The following TNS1 variants were observed in gnomAD, a reference collection of about 807,000 sequenced individuals.
TNS1 encodes tensin-1.
TNS1 carries 62 observed loss-of-function variants against 168.6 expected under a neutral mutation model. That is an observed-to-expected ratio of 0.37 (90% confidence interval 0.30 to 0.45). The LOEUF (loss-of-function observed/expected upper bound fraction) is 0.45. TNS1 is among the 20% of genes least tolerant of loss of function. TNS1 has a pLI of 1.00. For missense variants in TNS1, 2,240 were observed against 2,339.4 expected (o/e 0.96, Z 0.88); for synonymous variants, 934 against 933.2 (o/e 1.00, Z -0.02).
At position 217,903,498 on chromosome 2, in the gene TNS1, C is replaced by T. The variant is rs1953268253; in HGVS notation, c.321+2837G>A. ...CTCCGGGGATCACAAATCACCTTAC[C>T]CAAATGGCTTTGAACTTCTTCCTGG... On this transcript the variant is annotated intron_variant, in intron 6 of 32. Transcript: ENST00000682258. 4 of 1,421,210 alleles carry T rather than the reference C, an allele frequency of 2.8e-6. No homozygotes were observed. The South Asian group carries it at 5.8e-5, about 21-fold the overall frequency. 88.0% of individuals were successfully genotyped at this position (1,421,210 alleles called of 1,614,324 possible).
intron 1 of TNS1, among the ~76,000 whole-genome samples, chr2:218,020,831 C>T (rs1277066987): frequency 1.3e-5 from 2 of 152,258 alleles, no homozygotes; most frequent in South Asian, 4.1e-4. Flanking sequence ...CCAGAGCAAC[C>T]AATCCCCCCT....
intron 11 of TNS1, among the ~76,000 whole-genome samples, chr2:217,891,906 G>A (rs1205955504): frequency 6.6e-6 from 1 of 152,156 alleles, no homozygotes; most frequent in African/African-American, 2.4e-5. Flanking sequence ...CTCATCAAGA[G>A]GCCTTCTCCA....
intron 19 of TNS1, among the ~76,000 whole-genome samples, chr2:217,845,484 A>C (rs1006529195): frequency 6.6e-6 from 1 of 152,254 alleles, no homozygotes; most frequent in Non-Finnish European, 1.5e-5. Context: ...AAATTCTGTC[A>C]TAATGACAGG....
intron 17 of TNS1, 36 bp from the exon 18 acceptor site, chr2:217,881,050 G>A: frequency 6.9e-7 from 1 of 1,444,656 alleles, no homozygotes. Context: ...CAGTCGGGGA[G>A]ACAGTGCAGA....
rs368410102 is a variant in TNS1, at chr2:217,869,187, A to T, written c.1429+11711T>A. The stretch of plus-strand genomic sequence containing the variant: ...GAGGGAGGGCCTCTGCTGCAGGAAG[A>T]CAGGGTGCCAGGTAGCAGGCAGGGG... On this transcript the variant is annotated intron_variant, in intron 18 of 32. Coordinates refer to ENST00000682258, the MANE Select transcript of TNS1 (RefSeq NM_001387777.1). Among the ~76,000 whole-genome samples the T allele has an allele frequency of 8.5e-5, 13 of 152,198 alleles. No homozygotes were observed. In the East Asian group the frequency reaches 1.5e-3, roughly 18 times the overall value.
intron 2 of TNS1, 133 bp downstream of exon 2, chr2:217,990,809 A>C: frequency 3.6e-6 from 1 of 277,210 alleles, no homozygotes; most frequent in South Asian, 8.3e-5. Context: ...AGCATCCTCC[A>C]CCAGATGAGA....
chr2:217,817,889 G>A lies in TNS1; in HGVS notation c.4443C>T (p.Phe1481=), dbSNP rs1347870841. ...ATSPSPDSAA[F]RQGSPTPALP... is the part of the protein sequence containing the mutation. ...AGGCTGGTGTTGGGCTCCCTTGCCG[G>A]AAGGCTGCGGAGTCTGGTGACGGGG... is the stretch of plus-strand genomic sequence containing the variant. Residue 1481 remains phenylalanine, a synonymous_variant, in exon 24 of 33, where the codon TTC becomes TTT. Coordinates refer to ENST00000682258, the MANE Select transcript of TNS1 (RefSeq NM_001387777.1). The A allele has an allele frequency of 3.1e-6, 5 of 1,613,870 alleles. No homozygotes were observed. The highest frequency in any genetic ancestry group is 4.2e-6 in the Non-Finnish European group (5 of 1,179,906).
rs144923093 is a variant in TNS1, at chr2:217,923,815, G to A, written c.187-3579C>T. Among the ~76,000 whole-genome samples the A allele has an allele frequency of 7.9e-5, 12 of 152,314 alleles. No homozygotes were observed. The East Asian group carries it at 2.1e-3, about 27-fold the overall frequency. On this transcript the variant is annotated intron_variant, in intron 3 of 32. Coordinates refer to ENST00000682258, the MANE Select transcript of TNS1 (RefSeq NM_001387777.1). The stretch of plus-strand genomic sequence containing the variant: ...GCAGCAGAGCAGTCTGGCTCTGGAG[G>A]CTGCGAGGTGGAGCCCCGTGGGTGC...
At chr2:217,840,346 A>G (rs1240454439) in intron 19 of TNS1, among the ~76,000 whole-genome samples, 6 of 152,206 alleles carry the variant, frequency 3.9e-5, no homozygotes, top group Non-Finnish European at 8.8e-5. Context: ...GGTAGATGTT[A>G]GTGGACGGCA....
Position 217,866,791 on chromosome 2 carries a change from C to A in TNS1, c.1429+14107G>T, listed in dbSNP as rs531285917. On this transcript the variant is annotated intron_variant, in intron 18 of 32. Transcript: ENST00000682258. ...CTCCAGATCCCTTGGGCTGGCCTCT[C>A]CCCTCCCCCATCACTGGCCTGCAAG... Among the ~76,000 whole-genome samples, 3 of 152,262 alleles carry A rather than the reference C, an allele frequency of 2.0e-5. No homozygotes were observed. In the East Asian group the frequency reaches 5.8e-4, roughly 29 times the overall value.
intron 18 of TNS1, among the ~76,000 whole-genome samples, chr2:217,860,440 C>T (rs1314613771): frequency 6.6e-6 from 1 of 152,134 alleles, no homozygotes; most frequent in Non-Finnish European, 1.5e-5. Context: ...GCCTCAGGCT[C>T]CACCTGGGGA....
intron 19 of TNS1, among the ~76,000 whole-genome samples, chr2:217,837,620 G>A (rs1386611188): frequency 6.6e-6 from 1 of 152,230 alleles, no homozygotes; most frequent in African/African-American, 2.4e-5. Context: ...CTGAGTCTCC[G>A]CTTTGGGCTT....
chr2:217,894,385 G>A (rs565670110), intron 9 of TNS1, among the ~76,000 whole-genome samples: 12 of 152,192 alleles, frequency 7.9e-5, no homozygotes, highest in Non-Finnish European at 1.5e-4. Context: ...GTCCAGACGC[G>A]CTGGCCCATG....
At chr2:217,890,915 G>C in intron 12 of TNS1, 47 bp downstream of exon 12, 1 of 1,586,668 alleles carries the variant, frequency 6.3e-7, no homozygotes, top group African/African-American at 1.3e-5. Flanking sequence ...CCCACATAGA[G>C]TGAGTGCACA....
At position 217,848,796 on chromosome 2, in the gene TNS1, A is replaced by G. The variant is rs1361093045; in HGVS notation, c.1721T>C (p.Leu574Ser). Residue 574 changes from leucine (L) to serine (S), a missense_variant, in exon 19 of 33, where the codon TTA becomes TCA. Leu to Ser is a moderately radical substitution (Grantham distance 145, BLOSUM62 -2). Transcript: ENST00000682258. Reference sequence around the variant, plus strand: ...CATGGCGCCTTGCTTCTCTCGCTCTAAGCCAAAGCCACTCAGCAGGCGGTC... The same window carrying G: ...CATGGCGCCTTGCTTCTCTCGCTCTGAGCCAAAGCCACTCAGCAGGCGGTC... ...ELDRLLSGFG[L>S]EREKQGAMYH... The G allele has an allele frequency of 1.3e-5, 21 of 1,614,044 alleles. No individual in the cohort carries two copies. Among genetic ancestry groups the G allele is most frequent in the Non-Finnish European group, 1.8e-5 (21 of 1,180,010 alleles).
intron 1 of TNS1, among the ~76,000 whole-genome samples, chr2:218,031,222 G>T (rs1037681062): frequency 6.8e-6 from 1 of 147,380 alleles, no homozygotes. Flanking sequence ...CTGTGTGTAT[G>T]AGTGTGAGTG....
At chr2:217,809,485 A>G (rs1341386471) in intron 30 of TNS1, among the ~76,000 whole-genome samples, 30 of 22,226 alleles carry the variant, frequency 1.3e-3, no homozygotes, top group Non-Finnish European at 1.9e-3. Context: ...GGATGGATGG[A>G]TGGATGCATG....
At position 217,886,049 on chromosome 2, in the gene TNS1, G is replaced by A; in HGVS notation, c.1035C>T (p.Gly345=). 2.5e-6 allele frequency: 4 copies of A among 1,614,082 alleles called. No individual in the cohort carries two copies. The highest frequency in any genetic ancestry group is 3.4e-6 in the Non-Finnish European group (4 of 1,179,992). ...YQAMQPVYTS[G]IYNIPGDSQT... Reference sequence around the variant, plus strand: ...CACGCCCATGTAATACTTACTAGATGCCAGATGTGTACACAGGTTGCATGG... The same window carrying A: ...CACGCCCATGTAATACTTACTAGATACCAGATGTGTACACAGGTTGCATGG... Residue 345 remains glycine (G), a synonymous_variant, in exon 14 of 33, where the codon GGC becomes GGT. Transcript: ENST00000682258.
chr2:217,886,242 A>C (rs1951191688), intron 13 of TNS1, 138 bp from the exon 14 acceptor site: 1 of 901,548 alleles, frequency 1.1e-6, no homozygotes, highest in African/African-American at 1.7e-5. Flanking sequence ...GGAGGAAAAG[A>C]GGAAAGAGTA....
Sources: gnomAD v4.1 joint callset for allele counts (sites outside exome capture counted in the v4.1 genomes callset) on GRCh38, gnomAD v4.1.1 for gene constraint, MANE v1.5 for transcripts, NCBI Gene and HGNC (gene_info 2026-07-23, HGNC 2026-07-21) for gene names.